The following SPC25 variants were observed in gnomAD, a reference collection of about 807,000 sequenced individuals.
The protein encoded by SPC25 is SPC25 component of NDC80 kinetochore complex.
A neutral mutation model predicts 29.6 loss-of-function variants in SPC25; 22 were observed. The ratio of observed to expected loss-of-function variants is 0.74; its 90% CI spans 0.53 to 1.06. The LOEUF (loss-of-function observed/expected upper bound fraction) is 1.06. Ranked by LOEUF, SPC25 falls within the 50% of genes least tolerant of loss-of-function variation. The probability of loss-of-function intolerance (pLI) is 0.00; values close to 1 mark genes in which losing one functional copy is unlikely to be tolerated. For synonymous variants in SPC25, 91 were observed against 90.4 expected (o/e 1.01, Z -0.04); for missense variants, 230 against 255.8 (o/e 0.90, Z 0.69).
downstream of SPC25, among the ~76,000 whole-genome samples, chr2:168,867,116 C>G (rs201898691): frequency 1.6e-4 from 25 of 152,232 alleles, 1 homozygote; most frequent in East Asian, 4.6e-3. Context: ...CCAGCCATCC[C>G]ATTACTGAGT....
At chr2:168,862,133 C>A in intron 4 of SPC25, 1 of 1,217,608 alleles carries the variant, frequency 8.2e-7, no homozygotes, top group Non-Finnish European at 1.2e-6. Context: ...GTGTGGCAGC[C>A]TTAAGAGTTA....
At chr2:168,889,035 A>ATATATACATATATATATACACATATATG (rs1559158696) in intron 3 of SPC25, among the ~76,000 whole-genome samples, 191 bp downstream of exon 3, 1 of 21,896 alleles carries the variant, frequency 4.6e-5, no homozygotes, top group East Asian at 1.6e-3. Context: ...ATATATATAC[A>ATATATACATATATATATACACATATATG]TATATATATA....
At chr2:168,888,262 G>T (rs1690303864) in intron 3 of SPC25, among the ~76,000 whole-genome samples, 1 of 151,642 alleles carries the variant, frequency 6.6e-6, no homozygotes, top group South Asian at 2.1e-4. Context: ...GGCTGACAAA[G>T]TGAGACTCTG....
chr2:168,888,053 C>T (rs1365961573), intron 3 of SPC25, among the ~76,000 whole-genome samples: 2 of 152,058 alleles, frequency 1.3e-5, no homozygotes, highest in South Asian at 2.1e-4. Context: ...CCAAAGTGAG[C>T]GGACTGCTTG....
chr2:168,877,492 G>T, intron 3 of SPC25, 108 bp from the exon 4 acceptor site: 1 of 1,235,372 alleles, frequency 8.1e-7, no homozygotes, highest in Non-Finnish European at 1.1e-6. Context: ...AGAATGTTTT[G>T]ACTGATAAGC....
chr2:168,864,916 C>T (rs771745688), intron 4 of SPC25: 58 of 1,613,872 alleles, frequency 3.6e-5, no homozygotes, highest in East Asian at 8.9e-5. Flanking sequence ...ATTTTCCTGC[C>T]GCTTATGTGG....
At chr2:168,869,280 C>T (rs1391467523), downstream of SPC25, among the ~76,000 whole-genome samples, 1 of 152,064 alleles carries the variant, frequency 6.6e-6, no homozygotes, top group African/African-American at 2.4e-5. Flanking sequence ...GGAAGCATTC[C>T]CTTTGAAAAC....
chr2:168,876,606 T>C (rs991824197), intron 4 of SPC25, among the ~76,000 whole-genome samples: 5 of 144,610 alleles, frequency 3.5e-5, no homozygotes, highest in Non-Finnish European at 7.4e-5. Flanking sequence ...TTTTCTTTTT[T>C]TTTTTTTTAA....
downstream of SPC25, among the ~76,000 whole-genome samples, chr2:168,868,370 G>T (rs1048093307): frequency 6.6e-6 from 1 of 152,036 alleles, no homozygotes; most frequent in African/African-American, 2.4e-5. Flanking sequence ...AGAACTGAAG[G>T]AAATAGAGAC....
intron 3 of SPC25, among the ~76,000 whole-genome samples, chr2:168,887,741 T>C (rs1340237821): frequency 6.6e-6 from 1 of 152,174 alleles, no homozygotes; most frequent in Non-Finnish European, 1.5e-5. Context: ...TGGAGAGTAG[T>C]AGAAATAAGA....
At chr2:168,872,465 G>C (rs1481038884) in intron 6 of SPC25, among the ~76,000 whole-genome samples, 8 of 152,064 alleles carry the variant, frequency 5.3e-5, no homozygotes, top group Non-Finnish European at 5.9e-5. Context: ...TGTACCAGCT[G>C]GTACACTGGG....
chr2:168,871,573 A>G lies in SPC25; in HGVS notation c.551-18T>C. 6.5e-7 allele frequency: 1 copy of G among 1,544,658 alleles called. No homozygotes were observed. Among genetic ancestry groups the G allele is most frequent in the Non-Finnish European group, 8.7e-7 (1 of 1,152,604 alleles). On this transcript the variant is annotated intron_variant, in intron 6 of 6. Transcript: ENST00000282074. ...ATCTGACACTAGAAAAAAAAAAAAA[A>G]GAAATCAAAGACAATTAGAATGAGT... is the stretch of plus-strand genomic sequence containing the variant.
chr2:168,866,696 C>T (rs1476497548), downstream of SPC25, among the ~76,000 whole-genome samples: 2 of 152,210 alleles, frequency 1.3e-5, no homozygotes, highest in African/African-American at 4.8e-5. Flanking sequence ...AGGCAACCTA[C>T]AGAATGGGAG....
intron 3 of SPC25, among the ~76,000 whole-genome samples, chr2:168,884,189 G>A (rs779062708): frequency 4.6e-5 from 7 of 152,108 alleles, no homozygotes; most frequent in South Asian, 2.1e-4. Flanking sequence ...TCCAATGCAC[G>A]TCAGTATAGC....
chr2:168,872,181 T>A (rs1012265462), intron 6 of SPC25, among the ~76,000 whole-genome samples: 2 of 152,168 alleles, frequency 1.3e-5, no homozygotes, highest in African/African-American at 2.4e-5. Flanking sequence ...TTACCCAGGC[T>A]AGTCTTGAAT....
intron 3 of SPC25, among the ~76,000 whole-genome samples, chr2:168,885,385 G>T (rs1690244649): frequency 6.6e-6 from 1 of 152,020 alleles, no homozygotes; most frequent in Non-Finnish European, 1.5e-5. Context: ...TCCTTTAACT[G>T]GTCTCTTTAT....
intron 6 of SPC25, 97 bp from the exon 7 acceptor site, chr2:168,871,652 G>A: frequency 8.9e-7 from 1 of 1,119,024 alleles, no homozygotes; most frequent in Non-Finnish European, 1.2e-6. Context: ...TGGTTTGAAT[G>A]TCAATTCCAT....
downstream of SPC25, among the ~76,000 whole-genome samples, chr2:168,866,793 A>AAACC (rs1322102692): frequency 6.7e-6 from 1 of 148,630 alleles, no homozygotes; most frequent in Non-Finnish European, 1.5e-5. Flanking sequence ...AAAAACAACC[A>AAACC]CATCAAAAAG....
intron 4 of SPC25, chr2:168,864,805 G>C (rs1388354015): frequency 1.6e-5 from 25 of 1,612,636 alleles, no homozygotes; most frequent in Non-Finnish European, 2.1e-5. Flanking sequence ...ACATCACAGA[G>C]ACCCATTTGT....
Sources: allele counts gnomAD v4.1 joint callset (sites outside exome capture counted in the v4.1 genomes callset), GRCh38; gene constraint gnomAD v4.1.1; transcripts MANE v1.5; gene names NCBI Gene and HGNC (gene_info 2026-07-23, HGNC 2026-07-21).